Variants in YBX3 observed in about 807,000 individuals in gnomAD.
The protein encoded by YBX3 is Y-box binding protein 3, also known as Y-box-binding protein 3.
A neutral mutation model predicts 42.4 loss-of-function variants in YBX3; 29 were observed. That is an observed-to-expected ratio of 0.68 (90% CI 0.51 to 0.93). YBX3 has a LOEUF of 0.93. Ranked by LOEUF, YBX3 falls within the 40% of genes least tolerant of loss-of-function variation. The pLI is 0.00. For missense variants in YBX3, 517 were observed against 527.5 expected, an observed-to-expected ratio of 0.98 and a Z score of 0.19; for synonymous variants, 195 against 189.8, an observed-to-expected ratio of 1.03 and a Z score of -0.22.
At chr12:10,710,554 T>G in intron 5 of YBX3, 1 of 1,194,804 alleles carries the variant, frequency 8.4e-7, no homozygotes, top group Non-Finnish European at 1.1e-6. Context: ...CAAGTGGTAT[T>G]CTTCCTACAA....
At chr12:10,721,281 C>T (rs1948321731) in intron 1 of YBX3, among the ~76,000 whole-genome samples, 2 of 152,178 alleles carry the variant, frequency 1.3e-5, no homozygotes, top group South Asian at 4.1e-4. Flanking sequence ...TCTGCAGAGG[C>T]AGTTGCTTGA....
At chr12:10,705,970 A>T (rs1365176175) in intron 6 of YBX3, among the ~76,000 whole-genome samples, 1 of 152,152 alleles carries the variant, frequency 6.6e-6, no homozygotes, top group Non-Finnish European at 1.5e-5. Flanking sequence ...CATTTCTCCA[A>T]AGGGAATTCT....
intron 6 of YBX3, 42 bp from the exon 7 acceptor site, chr12:10,704,190 G>A: frequency 3.9e-6 from 6 of 1,556,980 alleles, no homozygotes; most frequent in Non-Finnish European, 5.3e-6. Flanking sequence ...TCACAGCACA[G>A]GGGATAAGAT....
intron 5 of YBX3, 118 bp downstream of exon 5, chr12:10,713,093 T>A: frequency 8.1e-7 from 1 of 1,239,500 alleles, no homozygotes; most frequent in Non-Finnish European, 1.1e-6. Flanking sequence ...AAAATAAAAA[T>A]CACTTAAATC....
intron 7 of YBX3, chr12:10,703,643 A>G: frequency 2.6e-6 from 1 of 387,368 alleles, no homozygotes; most frequent in Non-Finnish European, 5.1e-6. Flanking sequence ...AGATAAATTC[A>G]GGCGATTTGA....
At chr12:10,714,748 G>A (rs545656567) in intron 4 of YBX3, among the ~76,000 whole-genome samples, 1 of 151,900 alleles carries the variant, frequency 6.6e-6, no homozygotes, top group African/African-American at 2.4e-5. Context: ...TTGCCCCAAA[G>A]CAGTTTTTCT....
chr12:10,716,336 C>T (rs939691700), intron 3 of YBX3, among the ~76,000 whole-genome samples: 8 of 152,266 alleles, frequency 5.3e-5, no homozygotes, highest in Non-Finnish European at 7.4e-5. Flanking sequence ...AAGTCACAAC[C>T]GTAACAGCCC....
intron 6 of YBX3, among the ~76,000 whole-genome samples, chr12:10,706,396 T>C (rs1948137313): frequency 6.6e-6 from 1 of 152,194 alleles, no homozygotes; most frequent in Non-Finnish European, 1.5e-5. Context: ...CAATGGGGAA[T>C]ATGTCTCCTC....
chr12:10,718,661 A>G (rs78537324), intron 2 of YBX3, among the ~76,000 whole-genome samples: 2,573 of 152,304 alleles, frequency 0.017, 82 homozygotes, highest in African/African-American at 0.058. Flanking sequence ...GTTAAAAGTT[A>G]CCACAGTTTA....
In YBX3 at chr12:10,723,069, GGGTGGTGGT is replaced by G. The variant is rs566378677; in HGVS notation, c.34_42del (p.Thr12_Thr14del). ...GCCGCCTCCGTCGGAGCCTGCGGGAGGGTGGTGGTGGTGGTGGTGGTGGCCTCGCCCGCC... is the reference window on the plus strand; with the variant it reads ...GCCGCCTCCGTCGGAGCCTGCGGGAGGGTGGTGGTGGTGGCCTCGCCCGCC... On this transcript the variant is annotated inframe_deletion, in exon 1 of 10. Transcript: ENST00000228251. 1.4e-5 allele frequency: 17 copies of G among 1,207,582 alleles called. No individual in the cohort carries two copies. The highest frequency in any genetic ancestry group is 4.4e-5 in the Admixed American group (1 of 22,632). 74.8% of individuals were successfully genotyped at this position (1,207,582 alleles called of 1,614,324 possible). A position where few individuals can be genotyped will look rare whatever the true frequency, so the allele number is the denominator to read the frequency against.
At chr12:10,710,193 C>G (rs1239653419) in intron 5 of YBX3, 79 bp from the exon 6 acceptor site, 1 of 1,546,296 alleles carries the variant, frequency 6.5e-7, no homozygotes, top group Non-Finnish European at 8.7e-7. Flanking sequence ...GGATGAATAT[C>G]ACCAAAATAA....
chr12:10,705,361 G>A (rs964557692), intron 6 of YBX3, among the ~76,000 whole-genome samples: 1 of 152,154 alleles, frequency 6.6e-6, no homozygotes, highest in African/African-American at 2.4e-5. Context: ...CCAAAGTGCT[G>A]GGATTACAGG....
At chr12:10,713,519 T>C (rs1183534198) in intron 4 of YBX3, among the ~76,000 whole-genome samples, 186 bp from the exon 5 acceptor site, 1 of 152,242 alleles carries the variant, frequency 6.6e-6, no homozygotes, top group African/African-American at 2.4e-5. Context: ...TAAACATATA[T>C]GGCTTGTTTG....
At chr12:10,707,324 T>C (rs1404573107) in intron 6 of YBX3, among the ~76,000 whole-genome samples, 1 of 152,184 alleles carries the variant, frequency 6.6e-6, no homozygotes, top group Non-Finnish European at 1.5e-5. Context: ...CAAAGAATTT[T>C]CACCTTTCCC....
chr12:10,705,157 G>A (rs771072209), intron 6 of YBX3, among the ~76,000 whole-genome samples: 4 of 152,104 alleles, frequency 2.6e-5, no homozygotes, highest in Non-Finnish European at 5.9e-5. Context: ...GCAGTGGCGC[G>A]ATCTCAGCTC....
At chr12:10,704,327 G>C in intron 6 of YBX3, 179 bp from the exon 7 acceptor site, 1 of 538,382 alleles carries the variant, frequency 1.9e-6, no homozygotes, top group Non-Finnish European at 3.3e-6. Context: ...CGACTGAAAA[G>C]GAAGACAAAC....
intron 5 of YBX3, chr12:10,711,709 G>A (rs1230039315): frequency 6.6e-6 from 1 of 152,148 alleles, no homozygotes; most frequent in Non-Finnish European, 1.5e-5. Flanking sequence ...CAACAAAAAA[G>A]CTCATTTATG....
In YBX3 at chr12:10,702,082, T is replaced by C; in HGVS notation, c.931A>G (p.Lys311Glu). The part of the protein sequence containing the change: ...PAPAVGEAED[K>E]ENQQATSGPN... ...CCACTGGTGGCTTGCTGATTTTCTT[T>C]ATCTTCAGCCTCTCCAACTGCTGGG... Residue 311 changes from lysine to glutamate, a missense_variant, in exon 8 of 10, where the codon AAA becomes GAA. By Grantham distance (56) the Lys-to-Glu change is moderately conservative. Transcript: ENST00000228251. 1 of 1,614,228 alleles carries C rather than the reference T, an allele frequency of 6.2e-7. No homozygotes were observed. The highest frequency in any genetic ancestry group is 8.5e-7 in the Non-Finnish European group (1 of 1,180,034).
Position 10,715,779 on chromosome 12 carries a change from G to T in YBX3, c.365C>A (p.Ala122Asp), listed in dbSNP as rs761151510. 1 of 1,613,566 alleles carries T rather than the reference G, an allele frequency of 6.2e-7. No homozygotes were observed. Among genetic ancestry groups the T allele is most frequent in the Non-Finnish European group, 8.5e-7 (1 of 1,179,714 alleles). The change falls in exon 4 of 10, where the codon GCC becomes GAC. Residue 122 changes from alanine (A) to aspartate (D), a missense_variant. Around this residue, in one of 3 missense-constraint regions of YBX3, gnomAD observed 420 missense variants for 408.5 expected, o/e 1.03. Coordinates refer to ENST00000228251, the MANE Select transcript of YBX3 (RefSeq NM_003651.5). ...TTTCCGTGGGTTATTCTTCTTGATG[G>T]CAGTCTGGAAAGAGAACAGAAAATT... is the stretch of plus-strand genomic sequence containing the variant. ...TKEDVFVHQTAIKKNNPRKYL... is the reference protein window; with the variant it reads ...TKEDVFVHQTDIKKNNPRKYL...
Sources: allele counts gnomAD v4.1 joint callset (sites outside exome capture counted in the v4.1 genomes callset), GRCh38; gene constraint gnomAD v4.1.1; regional missense constraint gnomAD v4.1.1; transcripts MANE v1.5; gene names NCBI Gene and HGNC (gene_info 2026-07-23, HGNC 2026-07-21).